The following APBB2 variants were observed in gnomAD, a reference collection of about 807,000 sequenced individuals.
APBB2 encodes amyloid beta precursor protein binding family B member 2.
Under a neutral mutation model 82.5 loss-of-function variants are expected in APBB2, and 38 were observed. The observed-to-expected ratio is 0.46, with a 90% CI of 0.36 to 0.60. The LOEUF is 0.60. APBB2 is among the 20% of genes least tolerant of loss of function. The pLI is 0.00. For synonymous variants in APBB2, 341 were observed against 368.2 expected (o/e 0.93, Z 0.85); for missense variants, 772 against 972.3 (o/e 0.79, Z 2.74).
intron 2 of APBB2, among the ~76,000 whole-genome samples, chr4:41,139,696 A>G: frequency 6.6e-6 from 1 of 152,220 alleles, no homozygotes; most frequent in African/African-American, 2.4e-5. Flanking sequence ...AATTCTAACT[A>G]TATGACACTG....
At chr4:40,926,555 A>G (rs1349248564) in intron 10 of APBB2, among the ~76,000 whole-genome samples, 1 of 152,096 alleles carries the variant, frequency 6.6e-6, no homozygotes, top group East Asian at 1.9e-4. Context: ...AGGGTCAAGC[A>G]ATTCTCCTGC....
chr4:40,821,739 G>A, intron 17 of APBB2, 132 bp downstream of exon 17: 1 of 1,028,214 alleles, frequency 9.7e-7, no homozygotes, highest in Non-Finnish European at 1.4e-6. Context: ...AGGAATGACG[G>A]CGTTATAAAG....
chr4:41,138,746 C>T (rs943798877), intron 2 of APBB2, among the ~76,000 whole-genome samples: 8 of 152,124 alleles, frequency 5.3e-5, no homozygotes, highest in Non-Finnish European at 1.2e-4. Flanking sequence ...TTTCAAATCA[C>T]TGCAAAAATA....
intron 6 of APBB2, among the ~76,000 whole-genome samples, chr4:40,984,788 C>T (rs1033058967): frequency 3.3e-5 from 5 of 152,036 alleles, no homozygotes; most frequent in African/African-American, 1.2e-4. Context: ...CTGACATACC[C>T]CAGTTCTCAT....
chr4:40,956,833 T>C (rs1300248849), intron 6 of APBB2, among the ~76,000 whole-genome samples: 1 of 152,226 alleles, frequency 6.6e-6, no homozygotes, highest in Non-Finnish European at 1.5e-5. Flanking sequence ...TAACATTACA[T>C]ACTTTGTCTA....
chr4:41,011,515 C>A (rs1214293078), intron 6 of APBB2, among the ~76,000 whole-genome samples: 1 of 152,128 alleles, frequency 6.6e-6, no homozygotes, highest in Non-Finnish European at 1.5e-5. Flanking sequence ...ACTGCAACTT[C>A]CGCCTCATAG....
intron 5 of APBB2, among the ~76,000 whole-genome samples, chr4:41,032,842 T>C (rs1420138347): frequency 7.9e-6 from 1 of 126,218 alleles, no homozygotes; most frequent in African/African-American, 2.9e-5. Context: ...TGGAGTGCAG[T>C]GGCGCGATCT....
At chr4:41,163,763 T>C (rs1244925308) in intron 1 of APBB2, among the ~76,000 whole-genome samples, 2 of 152,186 alleles carry the variant, frequency 1.3e-5, no homozygotes, top group African/African-American at 4.8e-5. Flanking sequence ...ACTCTGGGCA[T>C]GTGAGTCTGA....
At chr4:40,887,153 G>A (rs1191714616) in intron 12 of APBB2, among the ~76,000 whole-genome samples, 1 of 152,116 alleles carries the variant, frequency 6.6e-6, no homozygotes, top group African/African-American at 2.4e-5. Flanking sequence ...GGGCTCAGTG[G>A]GGGTGTCATA....
intron 1 of APBB2, among the ~76,000 whole-genome samples, chr4:41,146,901 C>T (rs946712788): frequency 6.6e-6 from 1 of 152,166 alleles, no homozygotes; most frequent in East Asian, 1.9e-4. Flanking sequence ...TCTGGCTTTG[C>T]GAGAGCCCGA....
intron 6 of APBB2, among the ~76,000 whole-genome samples, chr4:40,992,266 G>A (rs1011748450): frequency 3.3e-5 from 5 of 151,464 alleles, no homozygotes; most frequent in African/African-American, 4.8e-5. Context: ...GGGCCCAAGT[G>A]ACATCCTCTG....
chr4:41,064,536 C>T (rs1731021930), intron 4 of APBB2, among the ~76,000 whole-genome samples: 1 of 152,178 alleles, frequency 6.6e-6, no homozygotes, highest in Non-Finnish European at 1.5e-5. Context: ...TATACAGCTG[C>T]TCCAAGGCCA....
At chr4:41,018,697 C>A (rs1368645431) in intron 5 of APBB2, among the ~76,000 whole-genome samples, 1 of 152,092 alleles carries the variant, frequency 6.6e-6, no homozygotes, top group African/African-American at 2.4e-5. Flanking sequence ...GTAGACCAGG[C>A]AATTAAAACA....
intron 1 of APBB2, among the ~76,000 whole-genome samples, chr4:41,213,836 G>T (rs1779950473): frequency 6.6e-6 from 1 of 152,192 alleles, no homozygotes; most frequent in South Asian, 2.1e-4. Context: ...ATGTCTCATG[G>T]GCTGGCCTCT....
intron 3 of APBB2, among the ~76,000 whole-genome samples, chr4:41,083,517 G>A (rs928256813): frequency 1.3e-5 from 2 of 151,364 alleles, no homozygotes; most frequent in Admixed American, 6.6e-5. Flanking sequence ...GTGAAACCCC[G>A]TCTCTACTAA....
chr4:40,917,357 A>G (rs1780101772), intron 10 of APBB2, among the ~76,000 whole-genome samples: 1 of 152,120 alleles, frequency 6.6e-6, no homozygotes, highest in South Asian at 2.1e-4. Context: ...GACTTGCCCA[A>G]GGTCTCCCGG....
intron 11 of APBB2, chr4:40,892,926 G>A (rs893549382): frequency 5.6e-5 from 11 of 195,228 alleles, no homozygotes; most frequent in Non-Finnish European, 1.1e-4. Flanking sequence ...GAGAATACAG[G>A]TCCTTCTTCC....
intron 6 of APBB2, among the ~76,000 whole-genome samples, chr4:40,983,318 TAA>T (rs766635006): frequency 7.9e-5 from 12 of 152,320 alleles, no homozygotes; most frequent in South Asian, 6.2e-4. Context: ...AAAGATGATT[TAA>T]AAGTGTTCTT....
chr4:41,095,310 G>T (rs747116615), intron 3 of APBB2, among the ~76,000 whole-genome samples: 2 of 152,118 alleles, frequency 1.3e-5, no homozygotes, highest in African/African-American at 2.4e-5. Context: ...ACACTCTCAG[G>T]GCTAAACAAC....
Sources: allele counts gnomAD v4.1 joint callset (sites outside exome capture counted in the v4.1 genomes callset), GRCh38; gene constraint gnomAD v4.1.1; transcripts MANE v1.5; gene names NCBI Gene and HGNC (gene_info 2026-07-23, HGNC 2026-07-21).